PMF1: variants seen among roughly 807,000 people sequenced by gnomAD.
The protein encoded by PMF1 is polyamine-modulated factor 1.
Under a neutral mutation model 26.7 loss-of-function variants are expected in PMF1, and 21 were observed. The observed-to-expected ratio is 0.79, with a 90% confidence interval of 0.56 to 1.13. The LOEUF (loss-of-function observed/expected upper bound fraction) is 1.13. Ranked by LOEUF, PMF1 falls within the 50% of genes most tolerant of loss-of-function variation. The pLI is 0.00. For missense variants in PMF1, 266 were observed against 254.9 expected, an observed-to-expected ratio of 1.04 and a Z score of -0.30; for synonymous variants, 105 against 101.0, an observed-to-expected ratio of 1.04 and a Z score of -0.24.
intron 1 of PMF1, among the ~76,000 whole-genome samples, chr1:156,224,800 C>T (rs1247033117): frequency 6.6e-6 from 1 of 152,136 alleles, no homozygotes; most frequent in Non-Finnish European, 1.5e-5. Flanking sequence ...ACATTTATCT[C>T]TTTCTTCTTT....
At position 156,213,156 on chromosome 1, in the gene PMF1, G is replaced by A. The variant is rs760993520; in HGVS notation, c.141G>A (p.Gln47=). 1.4e-5 allele frequency: 23 copies of A among 1,613,256 alleles called. No individual in the cohort carries two copies. Among genetic ancestry groups the A allele is most frequent in the Admixed American group, 3.3e-5 (2 of 59,996 alleles). The part of the protein sequence containing the change: ...LLDTMVDTFL[Q]KLVAAGSYQR... ...ACACCATGGTGGACACTTTTCTTCAGAAGCTGGTCGCCGCCGGCAGGTAAA... is the reference window on the plus strand; with the variant it reads ...ACACCATGGTGGACACTTTTCTTCAAAAGCTGGTCGCCGCCGGCAGGTAAA... The change falls in exon 1 of 5, where the codon CAG becomes CAA. Residue 47 remains glutamine (Q), a synonymous_variant. Coordinates refer to ENST00000368277, the MANE Select transcript of PMF1 (RefSeq NM_007221.4).
chr1:156,237,528 C>T (rs1345859822), intron 4 of PMF1, among the ~76,000 whole-genome samples: 9 of 147,222 alleles, frequency 6.1e-5, no homozygotes, highest in Admixed American at 5.5e-4. Flanking sequence ...CTCACTGCAA[C>T]CTCCACTTCC....
chr1:156,233,594 G>A lies in PMF1; in HGVS notation c.268-34G>A, dbSNP rs368272054. 123 of 1,606,900 alleles carry A rather than the reference G, an allele frequency of 7.7e-5. No homozygotes were observed. In the East Asian group the frequency reaches 8.3e-4, roughly 11 times the overall value. ...CATATTTTTGCCATGAGCTCATCTC[G>A]TGTCATTACAGCTCTTTCCTCCTTT... On this transcript the variant is annotated intron_variant, in intron 2 of 4. Coordinates refer to ENST00000368277, the MANE Select transcript of PMF1 (RefSeq NM_007221.4).
At chr1:156,220,712 AGTGGC>A (rs1658034391) in intron 1 of PMF1, 1 of 152,034 alleles carries the variant, frequency 6.6e-6, no homozygotes, top group African/African-American at 2.4e-5. Flanking sequence ...ACTGGAGTGC[AGTGGC>A]GTGATCTCGG....
At chr1:156,233,751 A>C (rs1240974872) in intron 3 of PMF1, 23 bp downstream of exon 3, 2 of 1,592,238 alleles carry the variant, frequency 1.3e-6, no homozygotes, top group Non-Finnish European at 1.7e-6. Flanking sequence ...TGGGGAGGTG[A>C]GAAGGTACAG....
At chr1:156,236,629 C>G in intron 4 of PMF1, 146 bp downstream of exon 4, 3 of 1,095,452 alleles carry the variant, frequency 2.7e-6, no homozygotes, top group Non-Finnish European at 3.8e-6. Context: ...TGAATTACCT[C>G]TCCTTGGGCG....
intron 3 of PMF1, 130 bp downstream of exon 3, chr1:156,233,858 C>A: frequency 1.2e-6 from 1 of 805,956 alleles, no homozygotes; most frequent in Non-Finnish European, 1.9e-6. Context: ...TTAAGCTGTC[C>A]TCCCACCTTG....
intron 1 of PMF1, among the ~76,000 whole-genome samples, chr1:156,228,141 G>T (rs1658476308): frequency 6.7e-6 from 1 of 149,248 alleles, no homozygotes; most frequent in Non-Finnish European, 1.5e-5. Context: ...CATCATGTTA[G>T]TCAGGCTGGT....
At chr1:156,223,023 G>A (rs180908156) in intron 1 of PMF1, among the ~76,000 whole-genome samples, 18 of 152,338 alleles carry the variant, frequency 1.2e-4, no homozygotes, top group Non-Finnish European at 2.5e-4. Context: ...AAAAAGAGTG[G>A]TTTAATATAT....
intron 1 of PMF1, among the ~76,000 whole-genome samples, chr1:156,226,096 C>T (rs1342509821): frequency 6.6e-6 from 1 of 151,610 alleles, no homozygotes; most frequent in Non-Finnish European, 1.5e-5. Context: ...CTCAAGTGAT[C>T]CCCCCACTTC....
chr1:156,230,271 C>T (rs1007336627), intron 1 of PMF1, among the ~76,000 whole-genome samples: 3 of 152,200 alleles, frequency 2.0e-5, no homozygotes, highest in Admixed American at 6.5e-5. Flanking sequence ...TTGGTTCAGG[C>T]GCTTTCTGCA....
intron 1 of PMF1, 33 bp downstream of exon 1, chr1:156,213,209 G>C: frequency 6.2e-7 from 1 of 1,603,244 alleles, no homozygotes; most frequent in Non-Finnish European, 8.5e-7. Context: ...GGGAGTGTTT[G>C]TTGGCACCGA....
chr1:156,236,360 C>T lies in PMF1; in HGVS notation c.441C>T (p.Thr147=), dbSNP rs745578073. The change falls in exon 4 of 5, where the codon ACC becomes ACT. Residue 147 remains threonine (T), a synonymous_variant. Transcript: ENST00000368277. ...MAPYFLQQRD[T]LRRHVQKQEA... is the part of the protein sequence containing the mutation. Reference sequence around the variant, plus strand: ...CCTACTTCCTGCAGCAACGGGACACCCTGCGGCGCCATGTGCAGAAACAGG... The same window carrying T: ...CCTACTTCCTGCAGCAACGGGACACTCTGCGGCGCCATGTGCAGAAACAGG... 1 of 1,614,232 alleles carries T rather than the reference C, an allele frequency of 6.2e-7. No homozygotes were observed. Among genetic ancestry groups the T allele is most frequent in the South Asian group, 1.1e-5 (1 of 91,086 alleles).
chr1:156,224,546 G>A (rs1658249084), intron 1 of PMF1, among the ~76,000 whole-genome samples: 1 of 152,186 alleles, frequency 6.6e-6, no homozygotes, highest in African/African-American at 2.4e-5. Flanking sequence ...GGAGGCTGAG[G>A]CGGGCGGATC....
chr1:156,217,089 T>G (rs2853645), intron 1 of PMF1, among the ~76,000 whole-genome samples: 60,554 of 146,820 alleles, frequency 0.41, 13,793 homozygotes, highest in African/African-American at 0.62. Flanking sequence ...GTGGTGGGGT[T>G]GGGGGAGCGG....
chr1:156,236,731 A>G (rs74981190), intron 4 of PMF1: 2 of 553,372 alleles, frequency 3.6e-6, no homozygotes, highest in Non-Finnish European at 6.3e-6. Context: ...GCAGGTGAGG[A>G]CCCAGGCCCA....
At chr1:156,230,134 G>A in intron 1 of PMF1, among the ~76,000 whole-genome samples, 1 of 152,228 alleles carries the variant, frequency 6.6e-6, no homozygotes, top group East Asian at 1.9e-4. Context: ...GTGGGGCTTT[G>A]TGTTGGGCAT....
At chr1:156,227,330 CCT>C (rs1231761778) in intron 1 of PMF1, among the ~76,000 whole-genome samples, 2 of 151,630 alleles carry the variant, frequency 1.3e-5, no homozygotes, top group East Asian at 2.0e-4. Context: ...ATGGTGAAAC[CCT>C]GTCTTTACTA....
chr1:156,214,907 T>C (rs1572475351), intron 1 of PMF1, among the ~76,000 whole-genome samples: 2 of 151,270 alleles, frequency 1.3e-5, no homozygotes, highest in South Asian at 4.2e-4. Context: ...AGGCAGTGTC[T>C]AGCTCTGTTG....
Sources: allele counts gnomAD v4.1 joint callset (sites outside exome capture counted in the v4.1 genomes callset), GRCh38; gene constraint gnomAD v4.1.1; transcripts MANE v1.5; gene names NCBI Gene and HGNC (gene_info 2026-07-23, HGNC 2026-07-21).